Variants in NRXN1 observed in about 807,000 individuals in gnomAD.
The protein encoded by NRXN1 is neurexin-1.
Under a neutral mutation model 150.9 loss-of-function variants are expected in NRXN1, and 39 were observed. That is an observed-to-expected ratio of 0.26 (90% CI 0.20 to 0.34). The LOEUF (loss-of-function observed/expected upper bound fraction) is 0.34. Among genes scored for constraint, NRXN1 ranks in the 10% least tolerant of loss-of-function variants. The probability of loss-of-function intolerance (pLI) is 1.00; values close to 1 mark genes in which losing one functional copy is unlikely to be tolerated. For missense variants in NRXN1, 1,815 were observed against 1,949.9 expected, an observed-to-expected ratio of 0.93 and a Z score of 1.30; for synonymous variants, 924 against 757.0, an observed-to-expected ratio of 1.22 and a Z score of -3.62.
chr2:50,472,613 T>C (rs910693276), intron 15 of NRXN1, 142 bp from the exon 16 acceptor site: 2 of 617,720 alleles, frequency 3.2e-6, no homozygotes, highest in Non-Finnish European at 5.5e-6. Context: ...TTCCCCAAAG[T>C]GCTAAACAAT....
At chr2:49,986,390 A>T (rs189993656) in intron 21 of NRXN1, among the ~76,000 whole-genome samples, 30 of 152,330 alleles carry the variant, frequency 2.0e-4, no homozygotes, top group Non-Finnish European at 3.1e-4. Flanking sequence ...ACATAAATTT[A>T]AAAAGGAACT....
At chr2:50,795,448 A>G (rs1179579524) in intron 5 of NRXN1, among the ~76,000 whole-genome samples, 1 of 151,970 alleles carries the variant, frequency 6.6e-6, no homozygotes, top group African/African-American at 2.4e-5. Context: ...TAAAAGATCA[A>G]TCCACTCCAA....
intron 17 of NRXN1, among the ~76,000 whole-genome samples, chr2:50,252,566 A>C (rs2067230836): frequency 6.6e-6 from 1 of 151,992 alleles, no homozygotes; most frequent in Non-Finnish European, 1.5e-5. Flanking sequence ...GCACATTTAT[A>C]TCTTTAATCC....
intron 5 of NRXN1, among the ~76,000 whole-genome samples, chr2:50,901,825 C>G (rs555134140): frequency 6.6e-6 from 1 of 152,160 alleles, no homozygotes; most frequent in Non-Finnish European, 1.5e-5. Flanking sequence ...CAATAATGTG[C>G]TAATTTGTAT....
intron 8 of NRXN1, among the ~76,000 whole-genome samples, chr2:50,558,023 G>A (rs1668506268): frequency 6.6e-6 from 1 of 152,086 alleles, no homozygotes. Context: ...CCCATGAAAG[G>A]GTTTCTGTGG....
chr2:50,996,511 A>G (rs1439995014), intron 2 of NRXN1, among the ~76,000 whole-genome samples: 1 of 152,092 alleles, frequency 6.6e-6, no homozygotes, highest in Non-Finnish European at 1.5e-5. Context: ...ATTAGTGTCA[A>G]AGACAGCAGT....
intron 22 of NRXN1, among the ~76,000 whole-genome samples, chr2:49,926,988 G>A (rs1011825646): frequency 6.6e-6 from 1 of 152,084 alleles, no homozygotes; most frequent in African/African-American, 2.4e-5. Flanking sequence ...TATTGCCTCT[G>A]TGCCTTGCTC....
chr2:50,441,944 T>A (rs1251006292), intron 17 of NRXN1, among the ~76,000 whole-genome samples: 1 of 152,176 alleles, frequency 6.6e-6, no homozygotes, highest in Non-Finnish European at 1.5e-5. Context: ...CATCAGCTCT[T>A]TCCAAGCACT....
intron 5 of NRXN1, among the ~76,000 whole-genome samples, chr2:50,789,520 G>A (rs957126062): frequency 1.3e-5 from 2 of 152,134 alleles, no homozygotes; most frequent in African/African-American, 4.8e-5. Flanking sequence ...TCCCAAAGTT[G>A]AAATAAAACT....
intron 17 of NRXN1, among the ~76,000 whole-genome samples, chr2:50,355,537 T>C (rs2078736349): frequency 6.6e-6 from 1 of 152,098 alleles, no homozygotes; most frequent in Non-Finnish European, 1.5e-5. Flanking sequence ...CACTCTTCCA[T>C]AAAACACACT....
chr2:50,207,034 C>G (rs550551329), intron 18 of NRXN1, among the ~76,000 whole-genome samples: 4 of 151,920 alleles, frequency 2.6e-5, no homozygotes, highest in Non-Finnish European at 4.4e-5. Context: ...TCTTCTAGCA[C>G]TCTTCTTCAA....
Position 49,988,619 on chromosome 2 carries a change from TAAA to T in NRXN1, c.4129-44831_4129-44829del, listed in dbSNP as rs3046623. ...TTTTGGTCTTGACACAGTTAACTAT[TAAA>T]AAAAAAAAAAAAAAAAAGCCCTGAA... On this transcript the variant is annotated intron_variant, in intron 21 of 22. Transcript: ENST00000401669. Among the ~76,000 whole-genome samples, 826 of 127,970 alleles carry T rather than the reference TAAA, an allele frequency of 6.5e-3. 9 individuals are homozygous for T. The highest frequency in any genetic ancestry group is 0.024 in the African/African-American group (791 of 32,544). The allele number at this position is 127,970 out of a possible 152,430, so 84.0% of individuals were successfully genotyped here.
intron 5 of NRXN1, among the ~76,000 whole-genome samples, chr2:50,835,694 T>G (rs1048305720): frequency 6.6e-6 from 1 of 152,172 alleles, no homozygotes; most frequent in Non-Finnish European, 1.5e-5. Flanking sequence ...ATAAAAATAA[T>G]CTTTAAATGC....
chr2:50,070,223 T>A (rs1269457816), intron 19 of NRXN1, among the ~76,000 whole-genome samples: 2 of 152,112 alleles, frequency 1.3e-5, no homozygotes, highest in Admixed American at 1.3e-4. Context: ...ATAGAGAAGT[T>A]TGTCTCCTCT....
intron 17 of NRXN1, among the ~76,000 whole-genome samples, chr2:50,329,578 A>AGTGTGTGTGTGTGTGT (rs55865684): frequency 1.8e-4 from 6 of 33,982 alleles, no homozygotes; most frequent in East Asian, 1.5e-3. Context: ...ATATAACAGT[A>AGTGTGTGTGTGTGTGT]GTGTGTGTGT....
chr2:50,077,902 C>T (rs1053881890), intron 19 of NRXN1, among the ~76,000 whole-genome samples: 9 of 151,828 alleles, frequency 5.9e-5, no homozygotes, highest in South Asian at 4.2e-4. Flanking sequence ...CTCAACTTTG[C>T]GGGGAGGGGT....
intron 5 of NRXN1, among the ~76,000 whole-genome samples, chr2:50,721,426 T>C (rs1696642073): frequency 6.6e-6 from 1 of 152,202 alleles, no homozygotes; most frequent in Non-Finnish European, 1.5e-5. Flanking sequence ...ACAACAAATA[T>C]GTAGCATACA....
At chr2:50,499,617 T>C (rs2091836921) in intron 13 of NRXN1, among the ~76,000 whole-genome samples, 1 of 152,114 alleles carries the variant, frequency 6.6e-6, no homozygotes, top group African/African-American at 2.4e-5. Context: ...ACCAGCAACA[T>C]TGAATTAAGA....
chr2:50,530,792 T>C (rs2093079911), intron 11 of NRXN1, among the ~76,000 whole-genome samples: 1 of 152,170 alleles, frequency 6.6e-6, no homozygotes, highest in South Asian at 2.1e-4. Flanking sequence ...TAAGAACAGC[T>C]CTTGATCTAG....
Sources: gnomAD v4.1 joint callset for allele counts (sites outside exome capture counted in the v4.1 genomes callset) on GRCh38, gnomAD v4.1.1 for gene constraint, MANE v1.5 for transcripts, NCBI Gene and HGNC (gene_info 2026-07-23, HGNC 2026-07-21) for gene names.